NRG3: variants seen among roughly 807,000 people sequenced by gnomAD.
NRG3 encodes the protein neuregulin 3, also known as pro-neuregulin-3, membrane-bound isoform.
In NRG3, 31 loss-of-function variants were observed where a neutral mutation model predicts 66.9. The ratio of observed to expected loss-of-function variants is 0.46; its 90% CI spans 0.35 to 0.63. NRG3 has a LOEUF of 0.63. Ranked by LOEUF, NRG3 falls within the 20% of genes least tolerant of loss-of-function variation. The pLI, the probability that NRG3 is intolerant of heterozygous loss-of-function variation, is 0.00. For missense variants in NRG3, 910 were observed against 878.9 expected (o/e 1.04, Z -0.45); for synonymous variants, 393 against 359.4 (o/e 1.09, Z -1.06).
intron 1 of NRG3, among the ~76,000 whole-genome samples, chr10:82,303,197 G>C (rs1390187311): frequency 2.0e-5 from 3 of 152,056 alleles, no homozygotes; most frequent in Admixed American, 2.0e-4. Context: ...CAAAGCCTGG[G>C]TTTTATTAAA....
chr10:81,875,698 T>A lies in NRG3; in HGVS notation c.358T>A (p.Ser120Thr). The change falls in exon 1 of 9, where the codon TCT (serine) becomes ACT (threonine). Residue 120 changes from serine (S) to threonine (T), a missense_variant. Transcript: ENST00000372141. This position sits in a 1 kb window ranked among gnomAD's most constrained non-coding sequence, Gnocchi z 5.3. Reference protein sequence around the residue: ...QDPFFLSKPSSFPKAMETTTT... With the variant: ...QDPFFLSKPSTFPKAMETTTT... ...CCCCTTCTTCCTCTCCAAGCCCAGC[T>A]CTTTCCCCAAGGCCATGGAGACCAC... The A allele has an allele frequency of 6.2e-7, 1 of 1,613,560 alleles. No homozygotes were observed. The highest frequency in any genetic ancestry group is 2.2e-5 in the East Asian group (1 of 44,806).
chr10:82,396,454 C>G (rs763375651), intron 2 of NRG3, among the ~76,000 whole-genome samples: 2 of 152,036 alleles, frequency 1.3e-5, no homozygotes, highest in Non-Finnish European at 2.9e-5. Context: ...CTTTATTGAC[C>G]AGTTCCCTTT....
At chr10:82,771,037 A>G (rs1396842064) in intron 3 of NRG3, among the ~76,000 whole-genome samples, 1 of 152,152 alleles carries the variant, frequency 6.6e-6, no homozygotes, top group Non-Finnish European at 1.5e-5. Flanking sequence ...TTAATGATCC[A>G]AGGATTTATC....
chr10:82,429,451 C>A (rs1021009667), intron 2 of NRG3, among the ~76,000 whole-genome samples: 2 of 151,940 alleles, frequency 1.3e-5, no homozygotes, highest in African/African-American at 4.8e-5. Flanking sequence ...TATGTCATCC[C>A]ATTGCCTTCT....
chr10:82,314,562 A>G lies in NRG3; in HGVS notation c.824-44177A>G, dbSNP rs555500475. On this transcript the variant is annotated intron_variant, in intron 1 of 8. Transcript: ENST00000372141. ...AGTGGCTCACGTCTGTAATCCCAGC[A>G]CTTTGGGAGGCCGAGGCAGGTGGAT... 1.9e-4 allele frequency among the ~76,000 whole-genome samples: 29 copies of G among 152,280 alleles called. 1 individual carries two copies. Among genetic ancestry groups the G allele is most frequent in the Admixed American group, 1.9e-3 (29 of 15,298 alleles).
At chr10:82,741,961 T>A (rs767154268) in intron 3 of NRG3, among the ~76,000 whole-genome samples, 2 of 152,192 alleles carry the variant, frequency 1.3e-5, no homozygotes, top group South Asian at 4.1e-4. Flanking sequence ...TGAAATTTCC[T>A]TGTCAAAATT....
chr10:82,740,899 T>G (rs2058394991), intron 3 of NRG3, among the ~76,000 whole-genome samples: 1 of 151,062 alleles, frequency 6.6e-6, no homozygotes, highest in Non-Finnish European at 1.5e-5. Flanking sequence ...AGATAAAAAA[T>G]TACTTTTATA....
In NRG3 at chr10:82,443,202, G is replaced by A. The variant is rs773751022; in HGVS notation, c.953+84334G>A. On this transcript the variant is annotated intron_variant, in intron 2 of 8. Transcript: ENST00000372141. ...ACAACTTCTGTGATGTTAGGATCCA[G>A]GGGATGCACTTGGTTTTTTTCTCCA... Among the ~76,000 whole-genome samples the A allele has an allele frequency of 2.1e-5, 3 of 142,264 alleles. No individual in the cohort carries two copies. The East Asian group carries it at 6.1e-4, about 29-fold the overall frequency. 93.3% of individuals were successfully genotyped at this position (142,264 alleles called of 152,430 possible).
At chr10:82,364,012 AG>A (rs2084360040) in intron 2 of NRG3, among the ~76,000 whole-genome samples, 1 of 152,164 alleles carries the variant, frequency 6.6e-6, no homozygotes, top group Admixed American at 6.5e-5. Flanking sequence ...AAAACTAAAA[AG>A]GTTGATAGTT....
intron 3 of NRG3, among the ~76,000 whole-genome samples, chr10:82,775,351 A>T (rs1366318588): frequency 6.7e-6 from 1 of 149,580 alleles, no homozygotes; most frequent in African/African-American, 2.5e-5. Flanking sequence ...TTCTCTTTTG[A>T]TTTGTTCTTT....
intron 2 of NRG3, among the ~76,000 whole-genome samples, chr10:82,574,615 G>A (rs775279431): frequency 6.6e-6 from 1 of 151,700 alleles, no homozygotes. Context: ...ATAATGCATT[G>A]TATACATGTA....
rs144341401 is a variant in NRG3, at chr10:82,167,451, C to A, written c.824-191288C>A. Among the ~76,000 whole-genome samples the A allele has an allele frequency of 9.3e-4, 141 of 152,096 alleles. 1 individual carries two copies. The East Asian group carries it at 0.013, about 14-fold the overall frequency. On this transcript the variant is annotated intron_variant, in intron 1 of 8. Transcript: ENST00000372141. ...GAATATGACTTAGTGGCAGTGGCAT[C>A]CAAAGGGGCAGGGTGATGGGAGTGT...
At chr10:82,152,665 C>T (rs1035473742) in intron 1 of NRG3, among the ~76,000 whole-genome samples, 20 of 151,730 alleles carry the variant, frequency 1.3e-4, no homozygotes, top group African/African-American at 4.8e-4. Flanking sequence ...ATAATAATTC[C>T]CATCTCACAA....
At chr10:82,552,518 A>T (rs925426706) in intron 2 of NRG3, among the ~76,000 whole-genome samples, 1 of 152,126 alleles carries the variant, frequency 6.6e-6, no homozygotes, top group East Asian at 1.9e-4. Flanking sequence ...TATATGTATT[A>T]TTCAGCGTAA....
chr10:81,976,017 T>C (rs1295333189), intron 1 of NRG3, among the ~76,000 whole-genome samples: 2 of 152,166 alleles, frequency 1.3e-5, no homozygotes, highest in African/African-American at 4.8e-5. Flanking sequence ...TCAGAAGGAA[T>C]TTAACTCTGT....
intron 3 of NRG3, among the ~76,000 whole-genome samples, chr10:82,785,163 A>C (rs1402597919): frequency 6.8e-6 from 1 of 147,890 alleles, no homozygotes; most frequent in African/African-American, 2.5e-5. Context: ...ATGAGAGCAC[A>C]TGGACACAGG....
chr10:81,991,791 C>G (rs1338721258), intron 1 of NRG3, among the ~76,000 whole-genome samples: 1 of 152,078 alleles, frequency 6.6e-6, no homozygotes, highest in Non-Finnish European at 1.5e-5. Flanking sequence ...TTTGCTATTA[C>G]TTTTCTCTTA....
intron 3 of NRG3, among the ~76,000 whole-genome samples, chr10:82,792,091 C>A (rs893625809): frequency 2.0e-5 from 3 of 152,078 alleles, no homozygotes; most frequent in African/African-American, 4.8e-5. Flanking sequence ...TGCCTTTTTT[C>A]TTCTATAAAC....
At chr10:82,690,974 C>T (rs1439621556) in intron 2 of NRG3, among the ~76,000 whole-genome samples, 1 of 152,240 alleles carries the variant, frequency 6.6e-6, no homozygotes, top group South Asian at 2.1e-4. Context: ...CTCCTTCCTC[C>T]TCTTTCTCCT....
Sources: gnomAD v4.1 joint callset for allele counts (sites outside exome capture counted in the v4.1 genomes callset) on GRCh38, gnomAD v4.1.1 for gene constraint, Gnocchi (gnomAD v3.1) non-coding constraint, MANE v1.5 for transcripts, NCBI Gene and HGNC (gene_info 2026-07-23, HGNC 2026-07-21) for gene names.